DMD: variants seen among roughly 807,000 people sequenced by gnomAD.
DMD encodes the protein mutant dystrophin.
Under a neutral mutation model 330.1 loss-of-function variants are expected in DMD, and 63 were observed. The observed-to-expected ratio is 0.19, with a 90% confidence interval of 0.16 to 0.24. The LOEUF (loss-of-function observed/expected upper bound fraction) is 0.24, where lower values mean the gene tolerates loss of function less well. DMD is among the 10% of genes least tolerant of loss of function. DMD has a pLI of 1.00. For synonymous variants in DMD, 1,223 were observed against 959.8 expected (o/e 1.27, Z -5.07); for missense variants, 3,344 against 2,684.1 (o/e 1.25, Z -5.43).
intron 62 of DMD, among the ~76,000 whole-genome samples, chrX:31,273,596 C>A (rs1050362844): frequency 9.0e-6 from 1 of 111,513 alleles, no homozygotes; most frequent in African/African-American, 3.2e-5. Context: ...ATTAAGCGAA[C>A]AAGGAAGTCA....
chrX:32,893,076 A>G (rs988644545), intron 2 of DMD, among the ~76,000 whole-genome samples: 6 of 112,333 alleles, frequency 5.3e-5, no homozygotes, highest in African/African-American at 1.9e-4. Flanking sequence ...ATGGAATCCC[A>G]TGACGTGATA....
At chrX:31,773,229 A>T (rs976699389) in intron 51 of DMD, among the ~76,000 whole-genome samples, 7 of 111,956 alleles carry the variant, frequency 6.3e-5, no homozygotes, top group Non-Finnish European at 1.1e-4. Flanking sequence ...ATTTTTCTTA[A>T]TCATTCACAA....
chrX:31,252,711 A>G lies in DMD; in HGVS notation c.9286+8244T>C, dbSNP rs1429993968. Reference sequence around the variant, plus strand: ...TAAAGTGCTACACAAATAAAGTACAATTATTACAAATATGATTATAGGCTA... The same window carrying G: ...TAAAGTGCTACACAAATAAAGTACAGTTATTACAAATATGATTATAGGCTA... On this transcript the variant is annotated intron_variant, in intron 63 of 78. Coordinates refer to ENST00000357033, the MANE Select transcript of DMD (RefSeq NM_004006.3). Among the ~76,000 whole-genome samples, 3 of 112,498 alleles carry G rather than the reference A, an allele frequency of 2.7e-5. No homozygotes were observed. The Admixed American group carries it at 2.8e-4, about 11-fold the overall frequency.
At chrX:31,604,308 C>T (rs1245319206) in intron 55 of DMD, among the ~76,000 whole-genome samples, 1 of 111,629 alleles carries the variant, frequency 9.0e-6, no homozygotes, top group Non-Finnish European at 1.9e-5. Context: ...AAATGGCTAT[C>T]TCCATGGGCT....
chrX:32,812,501 C>A (rs2077443967), intron 6 of DMD, among the ~76,000 whole-genome samples: 1 of 111,338 alleles, frequency 9.0e-6, no homozygotes, highest in African/African-American at 3.3e-5. Context: ...GGCATGGTGG[C>A]TCGTGCCTAT....
intron 55 of DMD, among the ~76,000 whole-genome samples, chrX:31,616,789 G>A (rs1056512393): frequency 1.3e-4 from 15 of 111,659 alleles, no homozygotes; most frequent in African/African-American, 4.2e-4. Flanking sequence ...AATAGTAAGA[G>A]TGTGAATGAG....
intron 44 of DMD, among the ~76,000 whole-genome samples, chrX:32,091,032 G>A (rs1009040715): frequency 8.9e-6 from 1 of 112,315 alleles, no homozygotes; most frequent in African/African-American, 3.2e-5. Flanking sequence ...CTCAGGCCAT[G>A]CCCATTTTTT....
chrX:32,844,255 A>T (rs1397933943), intron 4 of DMD, among the ~76,000 whole-genome samples: 1 of 109,508 alleles, frequency 9.1e-6, no homozygotes, highest in East Asian at 2.9e-4. Context: ...AAAATACAAA[A>T]ATTAGCTGGC....
chrX:32,865,332 C>T (rs1466084246), intron 2 of DMD, among the ~76,000 whole-genome samples: 1 of 110,937 alleles, frequency 9.0e-6, no homozygotes, highest in African/African-American at 3.3e-5. Context: ...ATTTTTTTGT[C>T]GTAAGTATGG....
intron 63 of DMD, among the ~76,000 whole-genome samples, chrX:31,246,333 A>T (rs987020105): frequency 2.7e-5 from 3 of 112,636 alleles, no homozygotes; most frequent in African/African-American, 9.7e-5. Context: ...TATCCATAAC[A>T]TTAAGGTGCA....
chrX:33,337,390 C>T (rs765130660), intron 1 of DMD, among the ~76,000 whole-genome samples: 2 of 111,405 alleles, frequency 1.8e-5, no homozygotes, highest in African/African-American at 3.3e-5. Context: ...CACAAAATAA[C>T]CCTGTAGCAT....
intron 1 of DMD, among the ~76,000 whole-genome samples, chrX:33,066,925 T>C (rs985896652): frequency 1.8e-5 from 2 of 111,949 alleles, no homozygotes; most frequent in African/African-American, 6.5e-5. Flanking sequence ...CAATACAACA[T>C]GAAAAGTCAC....
At position 32,857,074 on chromosome X, in the gene DMD, C is replaced by CAA. The variant is rs754732939; in HGVS notation, c.94-7256_94-7255dup. 9.0e-5 allele frequency among the ~76,000 whole-genome samples: 7 copies of CAA among 77,719 alleles called. No individual in the cohort carries two copies. In the East Asian group the frequency reaches 1.9e-3, roughly 21 times the overall value. 67.5% of individuals were successfully genotyped at this position (77,719 alleles called of 115,157 possible). A position where few individuals can be genotyped will look rare whatever the true frequency, so the allele number is the denominator to read the frequency against. On this transcript the variant is annotated intron_variant, in intron 2 of 78. Coordinates refer to ENST00000357033, the MANE Select transcript of DMD (RefSeq NM_004006.3). ...TGGGTGACAGAGCAAGACTGCGTCT[C>CAA]AAAAAAAAAAAAAAATTTGAAGTGG... is the stretch of plus-strand genomic sequence containing the variant.
chrX:31,206,243 C>T (rs1229950536), intron 66 of DMD, among the ~76,000 whole-genome samples: 1 of 112,338 alleles, frequency 8.9e-6, no homozygotes, highest in Non-Finnish European at 1.9e-5. Flanking sequence ...TAGACAAGTG[C>T]AGAGATTAAA....
At chrX:32,131,893 T>G (rs1305978578) in intron 44 of DMD, among the ~76,000 whole-genome samples, 1 of 111,820 alleles carries the variant, frequency 8.9e-6, no homozygotes. Flanking sequence ...GAGGGTAAAG[T>G]CATCTGAGAC....
intron 11 of DMD, among the ~76,000 whole-genome samples, chrX:32,623,399 A>T (rs2058126601): frequency 9.0e-6 from 1 of 111,700 alleles, no homozygotes; most frequent in Non-Finnish European, 1.9e-5. Flanking sequence ...TAAAGGGGTG[A>T]CTTCAGGGAG....
At chrX:33,200,682 G>A (rs1322892065) in intron 1 of DMD, among the ~76,000 whole-genome samples, 1 of 110,335 alleles carries the variant, frequency 9.1e-6, no homozygotes, top group Admixed American at 9.8e-5. Context: ...TAAAAACAAT[G>A]TATATTTGTA....
At chrX:32,120,279 A>C (rs1165874620) in intron 44 of DMD, among the ~76,000 whole-genome samples, 1 of 112,135 alleles carries the variant, frequency 8.9e-6, no homozygotes, top group Non-Finnish European at 1.9e-5. Flanking sequence ...GATCAAGGCC[A>C]GCAGCATCAG....
chrX:31,379,174 T>TC lies in DMD; in HGVS notation c.9085-30541dup, dbSNP rs1055806537. Among the ~76,000 whole-genome samples the TC allele has an allele frequency of 5.5e-5, 6 of 109,559 alleles. No homozygotes were observed. In the Admixed American group the frequency reaches 5.9e-4, roughly 11 times the overall value. On this transcript the variant is annotated intron_variant, in intron 60 of 78. Transcript: ENST00000357033. ...CTTTTCTACAGACCCATCTGACCTC[T>TC]CCCCTCCTCGCCAGGCCCAATTATT...
Sources: allele counts gnomAD v4.1 joint callset (sites outside exome capture counted in the v4.1 genomes callset), GRCh38; gene constraint gnomAD v4.1.1; transcripts MANE v1.5; gene names NCBI Gene and HGNC (gene_info 2026-07-23, HGNC 2026-07-21).